EEIG2: variants seen among roughly 807,000 people sequenced by gnomAD.
EEIG2 encodes family with sequence similarity 102 member B.
At chr1:108,582,113 T>A in the EEIG2 span, among the ~76,000 whole-genome samples, 1 of 152,212 alleles carries the variant, frequency 6.6e-6, no homozygotes, top group Non-Finnish European at 1.5e-5. Flanking sequence ...TGTTGGCATT[T>A]TTTAGCAATA....
At chr1:108,614,365 A>G in the EEIG2 span, among the ~76,000 whole-genome samples, 2 of 152,186 alleles carry the variant, frequency 1.3e-5, no homozygotes, top group Non-Finnish European at 2.9e-5. Context: ...AGCTGCCATT[A>G]CTAAAGCCAT....
the EEIG2 span, among the ~76,000 whole-genome samples, chr1:108,574,808 A>G: frequency 6.6e-6 from 1 of 152,348 alleles, no homozygotes; most frequent in South Asian, 2.1e-4. Context: ...AATTTTTTAA[A>G]TGAATAAATA....
the EEIG2 span, chr1:108,616,258 G>T: frequency 1.3e-4 from 92 of 701,494 alleles, no homozygotes; most frequent in Non-Finnish European, 1.6e-4. Context: ...GCCTCCCGTG[G>T]ATATAACCCA....
chr1:108,629,508 A>G, the EEIG2 span: 17 of 990,862 alleles, frequency 1.7e-5, no homozygotes, highest in East Asian at 4.5e-4. Flanking sequence ...ATTGTAAAAT[A>G]TGAATTATTA....
the EEIG2 span, among the ~76,000 whole-genome samples, chr1:108,631,389 G>C: frequency 6.6e-6 from 1 of 152,232 alleles, no homozygotes; most frequent in Non-Finnish European, 1.5e-5. Context: ...CAGAGACTCT[G>C]TGGCCCACAA....
At chr1:108,592,667 T>C in the EEIG2 span, among the ~76,000 whole-genome samples, 1 of 152,256 alleles carries the variant, frequency 6.6e-6, no homozygotes, top group Admixed American at 6.5e-5. Flanking sequence ...TAGGTTCCAG[T>C]GTATTTCGTC....
chr1:108,630,541 G>A, the EEIG2 span, among the ~76,000 whole-genome samples: 23,706 of 152,078 alleles, frequency 0.16, 2,939 homozygotes, highest in African/African-American at 0.34. Context: ...TAACCTGCAC[G>A]TTGTGCACAT....
chr1:108,601,132 G>A, the EEIG2 span, among the ~76,000 whole-genome samples: 1 of 151,936 alleles, frequency 6.6e-6, no homozygotes, highest in East Asian at 1.9e-4. Flanking sequence ...GCAAAGTCGG[G>A]ACTCAAACAG....
chr1:108,606,109 ACTGT>A, the EEIG2 span: 2 of 558,566 alleles, frequency 3.6e-6, no homozygotes, highest in Non-Finnish European at 5.7e-6. Flanking sequence ...TCAGAATTTT[ACTGT>A]CTATGATATT....
At chr1:108,614,257 CT>C in the EEIG2 span, among the ~76,000 whole-genome samples, 1 of 151,320 alleles carries the variant, frequency 6.6e-6, no homozygotes, top group Non-Finnish European at 1.5e-5. Context: ...CCCTGTCTCC[CT>C]GCATTGTCTG....
At chr1:108,560,610 G>C in the EEIG2 span, 4 of 1,591,820 alleles carry the variant, frequency 2.5e-6, no homozygotes, top group Non-Finnish European at 3.4e-6. Context: ...GCTTGGCCAG[G>C]GCTTGTTGGA....
At chr1:108,606,261 A>G in the EEIG2 span, 2 of 1,551,200 alleles carry the variant, frequency 1.3e-6, no homozygotes, top group East Asian at 2.3e-5. Context: ...AGGTAAGCAG[A>G]TGTTCTTTTA....
chr1:108,596,328 A>G, the EEIG2 span, among the ~76,000 whole-genome samples: 2 of 152,204 alleles, frequency 1.3e-5, no homozygotes, highest in Admixed American at 6.5e-5. Context: ...TAAGTTCCAC[A>G]AGGCATATTA....
chr1:108,574,705 G>A, the EEIG2 span, among the ~76,000 whole-genome samples: 6 of 152,330 alleles, frequency 3.9e-5, no homozygotes, highest in South Asian at 4.1e-4. Flanking sequence ...AGCTGAGATC[G>A]TGCCATTGCA....
chr1:108,570,550 A>G, the EEIG2 span, among the ~76,000 whole-genome samples: 2 of 152,236 alleles, frequency 1.3e-5, no homozygotes, highest in Non-Finnish European at 2.9e-5. Context: ...AAAAGCTTCC[A>G]CAAGGAATGG....
chr1:108,600,717 T>C, the EEIG2 span: 4 of 1,585,310 alleles, frequency 2.5e-6, no homozygotes, highest in African/African-American at 4.1e-5. Context: ...TTCTTCCCTT[T>C]CAGAAACCAT....
the EEIG2 span, among the ~76,000 whole-genome samples, chr1:108,578,348 C>T: frequency 0.01 from 1,270 of 126,512 alleles, 11 homozygotes; most frequent in African/African-American, 0.021. Flanking sequence ...TGAATAGGAG[C>T]GGTGAGAGAG....
chr1:108,635,884 G>A, the EEIG2 span: 1 of 152,172 alleles, frequency 6.6e-6, no homozygotes, highest in East Asian at 1.9e-4. Flanking sequence ...CTCAAAATAA[G>A]TTTAACACTT....
the EEIG2 span, chr1:108,628,899 A>G: frequency 9.5e-7 from 1 of 1,049,794 alleles, no homozygotes; most frequent in Non-Finnish European, 1.3e-6. Flanking sequence ...CATAATACTG[A>G]CTGTTGCATA....
Sources: gnomAD v4.1 joint callset for allele counts (sites outside exome capture counted in the v4.1 genomes callset) on GRCh38, gnomAD v4.1.1 for gene constraint, MANE v1.5 for transcripts, NCBI Gene and HGNC (gene_info 2026-07-23, HGNC 2026-07-21) for gene names.